The following ELMO1 variants were observed in gnomAD, a reference collection of about 807,000 sequenced individuals.
ELMO1 encodes the protein engulfment and cell motility 1.
In ELMO1, 26 loss-of-function variants were observed where a neutral mutation model predicts 98.9. The ratio of observed to expected loss-of-function variants is 0.26; its 90% CI spans 0.19 to 0.36. ELMO1 has a LOEUF of 0.36. ELMO1 is among the 10% of genes least tolerant of loss of function. The pLI is 1.00. For synonymous variants in ELMO1, 346 were observed against 346.0 expected (o/e 1.00, Z 0.00); for missense variants, 627 against 935.2 (o/e 0.67, Z 4.30).
chr7:36,853,449 T>C lies in ELMO1; in HGVS notation c.*2102A>G, dbSNP rs1224994273. On this transcript the variant is annotated 3_prime_UTR_variant, in exon 22 of 22. Coordinates refer to ENST00000310758, the MANE Select transcript of ELMO1 (RefSeq NM_014800.11). Reference sequence around the variant, plus strand: ...CCATAAGAAAAAAATAATATGACTTTGTTTGCTGCCTTTGACCTAACACTT... The same window carrying C: ...CCATAAGAAAAAAATAATATGACTTCGTTTGCTGCCTTTGACCTAACACTT... 6.6e-6 allele frequency among the ~76,000 whole-genome samples: 1 copy of C among 152,190 alleles called. No homozygotes were observed. Among genetic ancestry groups the C allele is most frequent in the Non-Finnish European group, 1.5e-5 (1 of 68,036 alleles).
intron 2 of ELMO1, among the ~76,000 whole-genome samples, chr7:37,341,659 A>G (rs1800729890): frequency 6.6e-6 from 1 of 152,184 alleles, no homozygotes. Context: ...GCACAATTCC[A>G]TATAACTCTC....
chr7:37,240,781 C>T (rs144936536), intron 7 of ELMO1, among the ~76,000 whole-genome samples: 27 of 152,114 alleles, frequency 1.8e-4, no homozygotes, highest in South Asian at 1.0e-3. Context: ...CGAGGCTATT[C>T]GGCTATTTTA....
chr7:37,179,731 T>C (rs1790728026), intron 13 of ELMO1, among the ~76,000 whole-genome samples: 2 of 152,244 alleles, frequency 1.3e-5, no homozygotes, highest in South Asian at 4.1e-4. Context: ...TCCTTGGATC[T>C]GCTGCTAAGA....
At chr7:37,332,082 C>T (rs1207419606) in intron 2 of ELMO1, among the ~76,000 whole-genome samples, 4 of 152,136 alleles carry the variant, frequency 2.6e-5, no homozygotes, top group African/African-American at 7.2e-5. Context: ...CAGATCGCCA[C>T]GAGTTTGTCC....
chr7:37,056,341 G>A (rs192100598), intron 15 of ELMO1, among the ~76,000 whole-genome samples: 2 of 152,288 alleles, frequency 1.3e-5, no homozygotes, highest in South Asian at 2.1e-4. Flanking sequence ...AGTTCACAAC[G>A]AGATAAATAA....
intron 14 of ELMO1, among the ~76,000 whole-genome samples, chr7:37,104,374 A>AAC (rs1784827508): frequency 1.3e-5 from 2 of 152,142 alleles, no homozygotes; most frequent in South Asian, 4.1e-4. Context: ...GAACATACTG[A>AAC]ACGCAGGCTG....
chr7:37,331,598 T>C (rs1342230685), intron 2 of ELMO1, among the ~76,000 whole-genome samples: 1 of 151,850 alleles, frequency 6.6e-6, no homozygotes, highest in Non-Finnish European at 1.5e-5. Context: ...GATATTATGC[T>C]CTCTCTTTTG....
At chr7:37,371,782 G>A (rs1802124569) in intron 1 of ELMO1, among the ~76,000 whole-genome samples, 1 of 152,160 alleles carries the variant, frequency 6.6e-6, no homozygotes, top group Non-Finnish European at 1.5e-5. Context: ...CTTAATCGTT[G>A]CCTGAATTCC....
chr7:37,253,723 A>AAAG (rs1487434582), intron 6 of ELMO1, among the ~76,000 whole-genome samples: 3 of 150,606 alleles, frequency 2.0e-5, no homozygotes, highest in Non-Finnish European at 3.0e-5. Flanking sequence ...CTTAAAGTAA[A>AAAG]AAAAAAAAAA....
chr7:37,196,752 G>C (rs1791986520), intron 13 of ELMO1, among the ~76,000 whole-genome samples: 1 of 152,186 alleles, frequency 6.6e-6, no homozygotes, highest in Non-Finnish European at 1.5e-5. Context: ...AAACACTGCA[G>C]CTATTGTGGG....
intron 20 of ELMO1, chr7:36,862,244 C>T (rs1802697184): frequency 6.2e-6 from 1 of 162,334 alleles, no homozygotes; most frequent in South Asian, 1.7e-4. Context: ...AAAATGTGGA[C>T]GCTATGCCAG....
intron 16 of ELMO1, among the ~76,000 whole-genome samples, chr7:36,972,918 T>C (rs948345389): frequency 1.3e-5 from 2 of 152,062 alleles, no homozygotes; most frequent in African/African-American, 4.8e-5. Context: ...GCAGCTGGGA[T>C]TACAGGCGCC....
At chr7:36,984,076 G>A (rs557736464) in intron 16 of ELMO1, among the ~76,000 whole-genome samples, 4 of 151,954 alleles carry the variant, frequency 2.6e-5, no homozygotes, top group African/African-American at 7.2e-5. Flanking sequence ...TGACACTAGT[G>A]GGGGAGAGAA....
At chr7:37,137,263 A>C (rs1305799691) in intron 13 of ELMO1, among the ~76,000 whole-genome samples, 1 of 152,202 alleles carries the variant, frequency 6.6e-6, no homozygotes, top group Non-Finnish European at 1.5e-5. Context: ...GGATCTCCCA[A>C]ATTTATAAAA....
chr7:36,959,773 C>G (rs1788787680), intron 16 of ELMO1, among the ~76,000 whole-genome samples: 1 of 152,174 alleles, frequency 6.6e-6, no homozygotes, highest in Admixed American at 6.5e-5. Flanking sequence ...CTCTGCCTCC[C>G]AGGTTCAAGT....
rs1795248392 is a variant in ELMO1, at chr7:37,249,969, C to T, written c.414-5578G>A. 2.6e-5 allele frequency among the ~76,000 whole-genome samples: 4 copies of T among 152,108 alleles called. No homozygotes were observed. The South Asian group carries it at 8.3e-4, about 32-fold the overall frequency. On this transcript the variant is annotated intron_variant, in intron 6 of 21. Coordinates refer to ENST00000310758, the MANE Select transcript of ELMO1 (RefSeq NM_014800.11). The stretch of plus-strand genomic sequence containing the variant: ...TGGTGGCACCTGTAGTCCCTACCTA[C>T]TCAGGAGGCTGAGGCAGGAGGACTG...
At chr7:37,132,989 A>ATTTT in intron 14 of ELMO1, 141 bp downstream of exon 14, 3 of 450,420 alleles carry the variant, frequency 6.7e-6, no homozygotes, top group South Asian at 5.6e-5. Flanking sequence ...CTTAATTCTG[A>ATTTT]TTTTTTTTTT....
intron 15 of ELMO1, among the ~76,000 whole-genome samples, chr7:37,065,336 A>T (rs1171033706): frequency 6.6e-6 from 1 of 151,996 alleles, no homozygotes; most frequent in Non-Finnish European, 1.5e-5. Flanking sequence ...AGGTGTCTCC[A>T]TCACCCCCGG....
chr7:37,312,749 TA>T lies in ELMO1; in HGVS notation c.192+2100del, dbSNP rs541445196. On this transcript the variant is annotated intron_variant, in intron 4 of 21. Coordinates refer to ENST00000310758, the MANE Select transcript of ELMO1 (RefSeq NM_014800.11). ...CAGGACACCACCAGGGGCCATCTAC[TA>T]GCACAGATTATTCACAGCCAGAACT... Among the ~76,000 whole-genome samples the T allele has an allele frequency of 3.1e-3, 472 of 152,322 alleles. 2 individuals are homozygous for T. Among genetic ancestry groups the T allele is most frequent in the African/African-American group, 0.011 (456 of 41,562 alleles).
Sources: allele counts gnomAD v4.1 joint callset (sites outside exome capture counted in the v4.1 genomes callset), GRCh38; gene constraint gnomAD v4.1.1; transcripts MANE v1.5; gene names NCBI Gene and HGNC (gene_info 2026-07-23, HGNC 2026-07-21).